The following MLLT10 variants were observed in gnomAD, a reference collection of about 807,000 sequenced individuals.
MLLT10 encodes protein AF-10.
MLLT10 carries 30 observed loss-of-function variants against 129.1 expected under a neutral mutation model. That is an observed-to-expected ratio of 0.23 (90% CI 0.17 to 0.32). The LOEUF is 0.32. Ranked by LOEUF, MLLT10 falls within the 10% of genes least tolerant of loss-of-function variation. MLLT10 has a pLI of 1.00. For synonymous variants in MLLT10, 490 were observed against 446.4 expected (o/e 1.10, Z -1.23); for missense variants, 1,119 against 1,268.3 (o/e 0.88, Z 1.79).
chr10:21,724,975 T>A (rs1187027322), intron 14 of MLLT10, among the ~76,000 whole-genome samples: 1 of 152,208 alleles, frequency 6.6e-6, no homozygotes, highest in Non-Finnish European at 1.5e-5. Flanking sequence ...GTGCCTTATA[T>A]GGGGTCAGGG....
chr10:21,670,556 C>T lies in MLLT10; in HGVS notation c.903C>T (p.Thr301=), dbSNP rs564337931. The T allele has an allele frequency of 3.1e-6, 5 of 1,614,128 alleles. No homozygotes were observed. The African/African-American group carries it at 4.0e-5, about 13-fold the overall frequency. The change falls in exon 10 of 23, where the codon ACC becomes ACT. Residue 301 remains threonine (T), a synonymous_variant. Coordinates refer to ENST00000307729, the MANE Select transcript of MLLT10 (RefSeq NM_001195626.3). The part of the protein sequence containing the change: ...NANFQEVSAH[T]SSGKDVSETR... ...ATTTCCAGGAAGTCTCTGCACACAC[C>T]TCTAGTGGAAAAGATGTTTCAGAGA... is the stretch of plus-strand genomic sequence containing the variant.
chr10:21,715,694 G>GCAA (rs2056496253), intron 14 of MLLT10, among the ~76,000 whole-genome samples: 1 of 152,278 alleles, frequency 6.6e-6, no homozygotes, highest in South Asian at 2.1e-4. Context: ...TGAGCCAGGG[G>GCAA]GTTGGCATTA....
At chr10:21,539,956 AAAAC>A (rs1050145134) in intron 3 of MLLT10, among the ~76,000 whole-genome samples, 3 of 150,512 alleles carry the variant, frequency 2.0e-5, no homozygotes, top group Non-Finnish European at 4.4e-5. Context: ...AGGAAAAAAA[AAAAC>A]AAAAAGGAGG....
intron 21 of MLLT10, among the ~76,000 whole-genome samples, chr10:21,738,042 G>A (rs2058518781): frequency 6.6e-6 from 1 of 152,042 alleles, no homozygotes; most frequent in African/African-American, 2.4e-5. Flanking sequence ...GACGGAGGTG[G>A]GCGGATCACG....
intron 8 of MLLT10, among the ~76,000 whole-genome samples, chr10:21,630,067 A>G (rs2046857249): frequency 6.6e-6 from 1 of 152,218 alleles, no homozygotes; most frequent in Non-Finnish European, 1.5e-5. Flanking sequence ...GAAAGAAGAG[A>G]AGCATGTAGG....
chr10:21,591,701 T>G (rs1026130894), intron 4 of MLLT10, among the ~76,000 whole-genome samples: 2 of 152,050 alleles, frequency 1.3e-5, no homozygotes, highest in African/African-American at 4.8e-5. Flanking sequence ...ATCAGTAAAT[T>G]CAGTCTCTAC....
chr10:21,674,354 C>T (rs184778415), intron 11 of MLLT10, among the ~76,000 whole-genome samples: 54 of 152,028 alleles, frequency 3.6e-4, no homozygotes, highest in Admixed American at 7.9e-4. Context: ...ATTTTCTAAA[C>T]GACTCCTCAC....
At chr10:21,739,098 ACT>A (rs2058623268) in intron 21 of MLLT10, among the ~76,000 whole-genome samples, 2 of 151,876 alleles carry the variant, frequency 1.3e-5, no homozygotes, top group African/African-American at 4.8e-5. Context: ...CTCCATCCTC[ACT>A]CTGACACCCC....
intron 3 of MLLT10, among the ~76,000 whole-genome samples, chr10:21,544,554 T>G (rs2035772887): frequency 6.6e-6 from 1 of 152,118 alleles, no homozygotes; most frequent in African/African-American, 2.4e-5. Flanking sequence ...ATTTAGGTAC[T>G]ATATAGAATG....
intron 13 of MLLT10, among the ~76,000 whole-genome samples, chr10:21,711,109 G>C (rs1273564878): frequency 2.0e-5 from 3 of 152,034 alleles, no homozygotes; most frequent in Non-Finnish European, 4.4e-5. Context: ...CTTCACCTCT[G>C]TACTGCAGCC....
intron 10 of MLLT10, chr10:21,670,921 T>G: frequency 2.1e-6 from 1 of 475,614 alleles, no homozygotes; most frequent in Non-Finnish European, 3.6e-6. Flanking sequence ...GATTTGTGCT[T>G]CCAGAGTTGA....
chr10:21,569,230 T>C (rs1360079752), intron 3 of MLLT10, among the ~76,000 whole-genome samples: 1 of 152,130 alleles, frequency 6.6e-6, no homozygotes, highest in Non-Finnish European at 1.5e-5. Flanking sequence ...TCCTTACTGA[T>C]TTTCTGTCTG....
chr10:21,712,665 G>A (rs1369507057), intron 13 of MLLT10, among the ~76,000 whole-genome samples: 1 of 152,072 alleles, frequency 6.6e-6, no homozygotes, highest in Non-Finnish European at 1.5e-5. Context: ...AACACTATGG[G>A]CCAGTTATTT....
At chr10:21,541,669 A>G (rs1042183609) in intron 3 of MLLT10, among the ~76,000 whole-genome samples, 5 of 152,134 alleles carry the variant, frequency 3.3e-5, no homozygotes, top group African/African-American at 1.2e-4. Context: ...TACAGGCGTG[A>G]GCTACCACGC....
At chr10:21,738,910 C>T (rs763614738) in intron 21 of MLLT10, among the ~76,000 whole-genome samples, 1 of 152,174 alleles carries the variant, frequency 6.6e-6, no homozygotes, top group Non-Finnish European at 1.5e-5. Flanking sequence ...CTGATACTTA[C>T]ATCTCCAGCC....
Position 21,595,188 on chromosome 10 carries a change from A to T in MLLT10, c.296-143A>T, listed in dbSNP as rs562584524. 476 of 560,822 alleles carry T rather than the reference A, an allele frequency of 8.5e-4. 2 individuals are homozygous for T. In the African/African-American group the frequency reaches 8.5e-3, roughly 10 times the overall value. The allele number at this position is 560,822 out of a possible 1,614,324, so 34.7% of individuals were successfully genotyped here. A position where few individuals can be genotyped will look rare whatever the true frequency, so the allele number is the denominator to read the frequency against. ...TGGTTTGAGTATTCTCAAGCAATGGAAGTAAGACAGCAATGAGAATTTGTT... is the reference window on the plus strand; with the variant it reads ...TGGTTTGAGTATTCTCAAGCAATGGTAGTAAGACAGCAATGAGAATTTGTT... On this transcript the variant is annotated intron_variant, in intron 4 of 22. Transcript: ENST00000307729.
chr10:21,594,723 A>G (rs1422277926), intron 4 of MLLT10, among the ~76,000 whole-genome samples: 1 of 143,032 alleles, frequency 7.0e-6, no homozygotes, highest in Non-Finnish European at 1.5e-5. Context: ...TAATACCTTC[A>G]GTCGGGAGGC....
In MLLT10 at chr10:21,599,151, C is replaced by CTGGGT. The variant is rs200629852; in HGVS notation, c.405+3712_405+3716dup. ...CGAGATCGCACCACTGCACCTCAGCCTGGGTGACAGAGTGAGACTCCATCT... is the reference window on the plus strand; with the variant it reads ...CGAGATCGCACCACTGCACCTCAGCCTGGGTTGGGTGACAGAGTGAGACTCCATCT... On this transcript the variant is annotated intron_variant, in intron 5 of 22. Coordinates refer to ENST00000307729, the MANE Select transcript of MLLT10 (RefSeq NM_001195626.3). Among the ~76,000 whole-genome samples the CTGGGT allele has an allele frequency of 4.1e-3, 611 of 149,170 alleles. 20 individuals carry two copies. The highest frequency in any genetic ancestry group is 0.017 in the East Asian group (87 of 4,996).
intron 13 of MLLT10, chr10:21,688,681 C>A (rs2131425169): frequency 5.1e-6 from 3 of 590,662 alleles, no homozygotes; most frequent in South Asian, 5.4e-5. Flanking sequence ...TTATCTATAA[C>A]CTTGGGTGGT....
Sources: gnomAD v4.1 joint callset for allele counts (sites outside exome capture counted in the v4.1 genomes callset) on GRCh38, gnomAD v4.1.1 for gene constraint, MANE v1.5 for transcripts, NCBI Gene and HGNC (gene_info 2026-07-23, HGNC 2026-07-21) for gene names.